Variants in GPM6A observed in about 807,000 individuals in gnomAD.
GPM6A encodes the protein neuronal membrane glycoprotein M6-a.
In GPM6A, 7 loss-of-function variants were observed where a neutral mutation model predicts 32.1. The observed-to-expected ratio is 0.22, with a 90% CI of 0.12 to 0.41. The LOEUF (loss-of-function observed/expected upper bound fraction) is 0.41, where lower values mean the gene tolerates loss of function less well. Ranked by LOEUF, GPM6A falls within the 10% of genes least tolerant of loss-of-function variation. The pLI, the probability that GPM6A is intolerant of heterozygous loss-of-function variation, is 1.00. For missense variants in GPM6A, 235 were observed against 347.2 expected (o/e 0.68, Z 2.57); for synonymous variants, 130 against 123.4 (o/e 1.05, Z -0.35).
rs1053803129 is a variant in GPM6A, at chr4:175,932,231, G to C, written c.-23+70078C>G. 5.9e-5 allele frequency among the ~76,000 whole-genome samples: 9 copies of C among 152,244 alleles called. No individual in the cohort carries two copies. The East Asian group carries it at 1.7e-3, about 29-fold the overall frequency. ...TGCCAGTACTATAGTATTAGGAGAC[G>C]GGGCCTTTAAGAAGTAATTAAACCC... On this transcript the variant is annotated intron_variant, in intron 1 of 7. Transcript: ENST00000280187.
intron 1 of GPM6A, among the ~76,000 whole-genome samples, chr4:175,793,779 T>C (rs1047372952): frequency 6.6e-6 from 1 of 152,210 alleles, no homozygotes; most frequent in African/African-American, 2.4e-5. Flanking sequence ...TTTATGATAA[T>C]AGGAGTTCTT....
intron 1 of GPM6A, chr4:175,970,981 C>A (rs535996214): frequency 6.8e-6 from 3 of 441,326 alleles, no homozygotes; most frequent in Non-Finnish European, 9.0e-6. Flanking sequence ...CAGCGCAGAG[C>A]GCTCCTGGGG....
intron 2 of GPM6A, among the ~76,000 whole-genome samples, chr4:175,697,539 A>G (rs1388947072): frequency 6.6e-6 from 1 of 152,152 alleles, no homozygotes; most frequent in Non-Finnish European, 1.5e-5. Context: ...AATGGATAAG[A>G]AGTTGCACAC....
At position 175,849,542 on chromosome 4, in the gene GPM6A, T is replaced by C. The variant is rs555628069; in HGVS notation, c.-22-37293A>G. On this transcript the variant is annotated intron_variant, in intron 1 of 7. Transcript: ENST00000280187. ...CACAAAGATATGGGAGTTAATTTGTTACTGCAGCATAATCTAGACTGCCCA... is the reference window on the plus strand; with the variant it reads ...CACAAAGATATGGGAGTTAATTTGTCACTGCAGCATAATCTAGACTGCCCA... 2.6e-5 allele frequency among the ~76,000 whole-genome samples: 4 copies of C among 152,340 alleles called. No individual in the cohort carries two copies. The East Asian group carries it at 7.7e-4, about 29-fold the overall frequency.
intron 1 of GPM6A, among the ~76,000 whole-genome samples, chr4:175,860,001 A>G (rs1414863024): frequency 6.6e-6 from 1 of 152,150 alleles, no homozygotes; most frequent in Non-Finnish European, 1.5e-5. Context: ...GACATAAATA[A>G]AAGTGAATAT....
chr4:175,810,938 T>C (rs987583436), intron 1 of GPM6A, among the ~76,000 whole-genome samples: 8 of 152,208 alleles, frequency 5.3e-5, no homozygotes, highest in African/African-American at 1.7e-4. Context: ...TTTGTGTTTC[T>C]ATTACAGATT....
At chr4:175,805,238 G>T (rs143656655) in intron 1 of GPM6A, among the ~76,000 whole-genome samples, 2 of 151,798 alleles carry the variant, frequency 1.3e-5, no homozygotes, top group African/African-American at 4.8e-5. Context: ...AACAACAATC[G>T]GAATAAATAC....
chr4:175,679,046 T>C (rs1743535761), intron 2 of GPM6A, among the ~76,000 whole-genome samples: 1 of 152,172 alleles, frequency 6.6e-6, no homozygotes, highest in Non-Finnish European at 1.5e-5. Context: ...TCTTTATTTG[T>C]ATTTCAATTT....
rs980723582 is a variant in GPM6A at position 175,995,390 on chromosome 4, A to C, written c.-23+6919T>G. 7.2e-5 allele frequency among the ~76,000 whole-genome samples: 11 copies of C among 151,794 alleles called. 1 individual carries two copies. In the South Asian group the frequency reaches 2.1e-3, roughly 29 times the overall value. The stretch of plus-strand genomic sequence containing the variant: ...CTTTCAATTTGTAAAAAAAAAAAAA[A>C]AAAAAAAAAGCACAGTATCTACGAA... On this transcript the variant is annotated intron_variant, in intron 1 of 7. Transcript: ENST00000280187.
At chr4:175,883,276 A>G (rs954691643) in intron 1 of GPM6A, among the ~76,000 whole-genome samples, 4 of 152,170 alleles carry the variant, frequency 2.6e-5, no homozygotes, top group African/African-American at 9.6e-5. Flanking sequence ...TCACTGTACA[A>G]TAGAAATATA....
chr4:175,752,217 C>T (rs2047245), intron 1 of GPM6A, among the ~76,000 whole-genome samples: 6,519 of 152,142 alleles, frequency 0.043, 252 homozygotes, highest in South Asian at 0.12. Flanking sequence ...TAGAGTGTTG[C>T]CTTCTAACTA....
intron 6 of GPM6A, among the ~76,000 whole-genome samples, chr4:175,637,519 T>TTA (rs1740792466): frequency 1.9e-5 from 2 of 104,340 alleles, no homozygotes; most frequent in African/African-American, 7.4e-5. Context: ...CTTTATATTT[T>TTA]TATATATATA....
chr4:175,875,002 A>C (rs566165408), intron 1 of GPM6A, among the ~76,000 whole-genome samples: 4 of 152,202 alleles, frequency 2.6e-5, no homozygotes, highest in Non-Finnish European at 4.4e-5. Context: ...CAAGAAATCT[A>C]TGTGCCTGCC....
intron 1 of GPM6A, among the ~76,000 whole-genome samples, chr4:175,788,875 G>A (rs1368068406): frequency 6.6e-6 from 1 of 152,240 alleles, no homozygotes; most frequent in East Asian, 1.9e-4. Flanking sequence ...GGTTCATAAT[G>A]TAATAAATTA....
chr4:175,976,811 C>A (rs967240234), intron 1 of GPM6A, among the ~76,000 whole-genome samples: 2 of 152,132 alleles, frequency 1.3e-5, no homozygotes, highest in Non-Finnish European at 2.9e-5. Context: ...AGAGAAATGA[C>A]AGCAGAGAAC....
At chr4:175,695,014 G>A (rs1744499222) in intron 2 of GPM6A, among the ~76,000 whole-genome samples, 1 of 152,218 alleles carries the variant, frequency 6.6e-6, no homozygotes, top group South Asian at 2.1e-4. Context: ...CTGCTTCAGA[G>A]GGTGCAAACC....
intron 1 of GPM6A, among the ~76,000 whole-genome samples, chr4:175,757,823 G>A (rs1413761617): frequency 6.6e-6 from 1 of 152,140 alleles, no homozygotes; most frequent in Admixed American, 6.6e-5. Context: ...ACACTTGGTT[G>A]ACTGAACAAA....
chr4:175,991,366 C>T (rs888031481), intron 1 of GPM6A, among the ~76,000 whole-genome samples: 6 of 151,720 alleles, frequency 4.0e-5, no homozygotes, highest in African/African-American at 1.5e-4. Flanking sequence ...ATAGCCACTG[C>T]GCCTGGCCTA....
At position 175,665,499 on chromosome 4, in the gene GPM6A, C is replaced by T. The variant is rs549152978; in HGVS notation, c.387+8181G>A. Among the ~76,000 whole-genome samples the T allele has an allele frequency of 3.2e-3, 494 of 152,040 alleles. 2 individuals are homozygous for T. Among genetic ancestry groups the T allele is most frequent in the African/African-American group, 0.011 (476 of 41,486 alleles). On this transcript the variant is annotated intron_variant, in intron 3 of 6. Transcript: ENST00000393658. ...TTATATAAAAAATAAAAGCATTGGA[C>T]GGCCGTGGTGGTGGCTCAAGCCTGT...
Sources: gnomAD v4.1 joint callset for allele counts (sites outside exome capture counted in the v4.1 genomes callset) on GRCh38, gnomAD v4.1.1 for gene constraint, MANE v1.5 for transcripts, NCBI Gene and HGNC (gene_info 2026-07-23, HGNC 2026-07-21) for gene names.